G3BP2: variants seen among roughly 807,000 people sequenced by gnomAD.
The protein encoded by G3BP2 is G3BP stress granule assembly factor 2, also known as ras GTPase-activating protein-binding protein 2.
A neutral mutation model predicts 56.7 loss-of-function variants in G3BP2; 11 were observed. The observed-to-expected ratio is 0.19, with a 90% CI of 0.12 to 0.32. The LOEUF is 0.32. Among genes scored for constraint, G3BP2 ranks in the 10% least tolerant of loss-of-function variants. The probability of loss-of-function intolerance (pLI) is 1.00; values close to 1 mark genes in which losing one functional copy is unlikely to be tolerated. For synonymous variants in G3BP2, 165 were observed against 191.6 expected (o/e 0.86, Z 1.15); for missense variants, 340 against 610.9 (o/e 0.56, Z 4.67).
rs200412025 is a variant in G3BP2, at chr4:75,704,025, T to C, written c.-25+16852A>G. 1.8e-3 allele frequency among the ~76,000 whole-genome samples: 243 copies of C among 131,984 alleles called. 2 individuals are homozygous for C. Among genetic ancestry groups the C allele is most frequent in the African/African-American group, 3.8e-3 (138 of 36,038 alleles). 86.6% of individuals were successfully genotyped at this position (131,984 alleles called of 152,430 possible). On this transcript the variant is annotated intron_variant, in intron 3 of 3. Transcript: ENST00000499709. ...TGTCTATGAAAGGTTTTTTTTTTTT[T>C]CTTTTTTTTTTTGAGACAGAGTCTC... is the stretch of plus-strand genomic sequence containing the variant.
intron 3 of G3BP2, among the ~76,000 whole-genome samples, chr4:75,690,254 C>A (rs1468389071): frequency 1.3e-5 from 2 of 151,980 alleles, no homozygotes; most frequent in African/African-American, 4.8e-5. Context: ...GCCAACATGG[C>A]AAAACCCTGT....
chr4:75,658,205 T>C (rs1177580049), intron 3 of G3BP2, among the ~76,000 whole-genome samples: 1 of 152,200 alleles, frequency 6.6e-6, no homozygotes, highest in Non-Finnish European at 1.5e-5. Flanking sequence ...TTGTATAAAC[T>C]TAATACACTG....
rs1731208717 is a variant in G3BP2, at chr4:75,646,376, C to A, written c.1138G>T (p.Asp380Tyr). The A allele has an allele frequency of 6.3e-7, 1 of 1,597,052 alleles. No individual in the cohort carries two copies. The highest frequency in any genetic ancestry group is 1.8e-5 in the Admixed American group (1 of 56,990). Residue 380 changes from aspartate to tyrosine, a missense_variant, in exon 11 of 12, where the codon GAT (aspartate) becomes TAT (tyrosine). By Grantham distance (160) the Asp-to-Tyr change is radical. Transcript: ENST00000359707. ...KLPNFGFVVFDDSEPVQRILI... is the reference protein window; with the variant it reads ...KLPNFGFVVFYDSEPVQRILI... ...ATTCTCTGAACTGGTTCAGAGTCAT[C>A]AAAAACCACAAAACCAAAATTTGGA...
chr4:75,677,818 T>C (rs957097021), upstream of G3BP2, among the ~76,000 whole-genome samples: 1 of 152,222 alleles, frequency 6.6e-6, no homozygotes, highest in Non-Finnish European at 1.5e-5. Flanking sequence ...ATTGAATGTA[T>C]GTGCCCCTCC....
At chr4:75,682,748 A>G (rs906420003) in intron 3 of G3BP2, among the ~76,000 whole-genome samples, 7 of 151,994 alleles carry the variant, frequency 4.6e-5, no homozygotes, top group Admixed American at 1.3e-4. Context: ...TTGGGAGGCC[A>G]AGGCGGGCAG....
chr4:75,717,032 A>G (rs1719956362), intron 3 of G3BP2, among the ~76,000 whole-genome samples: 1 of 152,138 alleles, frequency 6.6e-6, no homozygotes, highest in Non-Finnish European at 1.5e-5. Flanking sequence ...CCACCTGCCT[A>G]TGCCAGTTCT....
intron 3 of G3BP2, among the ~76,000 whole-genome samples, chr4:75,713,676 C>T (rs547872561): frequency 3.3e-5 from 5 of 152,166 alleles, no homozygotes; most frequent in African/African-American, 9.6e-5. Flanking sequence ...GTAGTCCTAG[C>T]GACTCAGGAG....
intron 1 of G3BP2, among the ~76,000 whole-genome samples, chr4:75,665,209 T>G (rs1445539113): frequency 6.6e-6 from 1 of 152,196 alleles, no homozygotes; most frequent in Non-Finnish European, 1.5e-5. Flanking sequence ...GGTTCCTTGT[T>G]TCTTCCTTTC....
chr4:75,678,938 G>A (rs1489080132), intron 3 of G3BP2, among the ~76,000 whole-genome samples: 2 of 152,290 alleles, frequency 1.3e-5, no homozygotes, highest in East Asian at 1.9e-4. Flanking sequence ...TGCACCAATT[G>A]CTTTCAACTG....
intron 1 of G3BP2, among the ~76,000 whole-genome samples, chr4:75,670,134 T>C (rs1733371931): frequency 6.6e-6 from 1 of 152,222 alleles, no homozygotes; most frequent in Non-Finnish European, 1.5e-5. Flanking sequence ...TTACCAAAGG[T>C]TATGTGGGTG....
rs371134181 is a variant in G3BP2 at position 75,645,407 on chromosome 4, A to C, written c.*23T>G. 2 of 1,604,096 alleles carry C rather than the reference A, an allele frequency of 1.2e-6. No individual in the cohort carries two copies. Among genetic ancestry groups the C allele is most frequent in the Non-Finnish European group, 1.7e-6 (2 of 1,174,234 alleles). ...ACACGATGAATAATGTACCACTGCC[A>C]AGACTTTGCCAACAGTGGAGCTTCA... On this transcript the variant is annotated 3_prime_UTR_variant, in exon 12 of 12. Coordinates refer to ENST00000359707, the MANE Select transcript of G3BP2 (RefSeq NM_203505.3).
chr4:75,646,509 G>A, intron 10 of G3BP2, 53 bp from the exon 11 acceptor site: 1 of 994,078 alleles, frequency 1.0e-6, no homozygotes, highest in South Asian at 1.3e-5. Context: ...AGAATACCTT[G>A]ATGGCTCTAA....
chr4:75,719,669 C>T (rs1720070551), intron 3 of G3BP2, among the ~76,000 whole-genome samples: 1 of 152,074 alleles, frequency 6.6e-6, no homozygotes, highest in Non-Finnish European at 1.5e-5. Flanking sequence ...TGGCTCACTG[C>T]AACCTCCGCC....
chr4:75,689,045 A>G (rs1233731365), intron 3 of G3BP2, among the ~76,000 whole-genome samples: 1 of 152,172 alleles, frequency 6.6e-6, no homozygotes, highest in African/African-American at 2.4e-5. Flanking sequence ...TATTGGATAT[A>G]AGATGTGAAA....
chr4:75,678,658 TAA>T (rs1331997524), intron 3 of G3BP2, among the ~76,000 whole-genome samples: 1 of 152,004 alleles, frequency 6.6e-6, no homozygotes, highest in Non-Finnish European at 1.5e-5. Flanking sequence ...CCAAAAAAAA[TAA>T]AAAAGAATCT....
chr4:75,691,915 C>T (rs1421366179), intron 3 of G3BP2, among the ~76,000 whole-genome samples: 1 of 151,994 alleles, frequency 6.6e-6, no homozygotes, highest in Non-Finnish European at 1.5e-5. Flanking sequence ...AATATGCAGC[C>T]CAAATTGAAA....
intron 3 of G3BP2, among the ~76,000 whole-genome samples, chr4:75,683,583 A>G (rs959464808): frequency 3.3e-5 from 5 of 152,068 alleles, no homozygotes; most frequent in Non-Finnish European, 5.9e-5. Context: ...AAAAAAGAAT[A>G]AAGATGTAAC....
intron 1 of G3BP2, among the ~76,000 whole-genome samples, chr4:75,662,904 T>C (rs1420121803): frequency 2.0e-5 from 3 of 152,244 alleles, no homozygotes; most frequent in African/African-American, 2.4e-5. Flanking sequence ...CAAAGCACCA[T>C]GACTTGTGTT....
At chr4:75,707,567 G>A (rs567363133) in intron 3 of G3BP2, among the ~76,000 whole-genome samples, 3 of 139,824 alleles carry the variant, frequency 2.1e-5, no homozygotes, top group South Asian at 4.6e-4. Flanking sequence ...CCGAGACTGC[G>A]CCACTGCACT....
Sources: gnomAD v4.1 joint callset for allele counts (sites outside exome capture counted in the v4.1 genomes callset) on GRCh38, gnomAD v4.1.1 for gene constraint, MANE v1.5 for transcripts, NCBI Gene and HGNC (gene_info 2026-07-23, HGNC 2026-07-21) for gene names.